The following CSNK1G1 variants were observed in gnomAD, a reference collection of about 807,000 sequenced individuals.
CSNK1G1 encodes casein kinase 1 gamma 1, also known as casein kinase I isoform gamma-1.
A neutral mutation model predicts 59.6 loss-of-function variants in CSNK1G1; 22 were observed. The observed-to-expected ratio is 0.37, with a 90% CI of 0.26 to 0.53. The LOEUF (loss-of-function observed/expected upper bound fraction) is 0.53, where lower values mean the gene tolerates loss of function less well. Ranked by LOEUF, CSNK1G1 falls within the 20% of genes least tolerant of loss-of-function variation. The probability of loss-of-function intolerance (pLI) is 0.89; values close to 1 mark genes in which losing one functional copy is unlikely to be tolerated. For synonymous variants in CSNK1G1, 179 were observed against 177.1 expected, an observed-to-expected ratio of 1.01 and a Z score of -0.08; for missense variants, 384 against 519.5, an observed-to-expected ratio of 0.74 and a Z score of 2.54.
chr15:64,254,353 C>CTT (rs564370323), intron 3 of CSNK1G1, among the ~76,000 whole-genome samples: 12,444 of 135,120 alleles, frequency 0.092, 624 homozygotes, highest in South Asian at 0.16. Context: ...TGCCATTGAA[C>CTT]TTTTTTTTTT....
intron 1 of CSNK1G1, among the ~76,000 whole-genome samples, chr15:64,333,459 A>AAAAG (rs1897225296): frequency 1.4e-5 from 2 of 145,086 alleles, no homozygotes; most frequent in African/African-American, 5.1e-5. Flanking sequence ...AAAAAAAAAA[A>AAAAG]GGTCAATATG....
chr15:64,319,519 A>G (rs186478338), intron 1 of CSNK1G1, among the ~76,000 whole-genome samples: 1 of 151,938 alleles, frequency 6.6e-6, no homozygotes, highest in African/African-American at 2.4e-5. Context: ...ATTTTAAATT[A>G]TTATAAGCTT....
chr15:64,344,051 G>A (rs1897817179), intron 1 of CSNK1G1, among the ~76,000 whole-genome samples: 1 of 151,668 alleles, frequency 6.6e-6, no homozygotes, highest in Admixed American at 6.6e-5. Context: ...AAATAAATTG[G>A]AAAGAAAAAT....
intron 2 of CSNK1G1, among the ~76,000 whole-genome samples, chr15:64,259,772 A>C: frequency 6.6e-6 from 1 of 152,172 alleles, no homozygotes; most frequent in East Asian, 1.9e-4. Flanking sequence ...TACTGCTTGT[A>C]AGGAGATGAT....
At chr15:64,280,820 G>A (rs1162940148) in intron 2 of CSNK1G1, among the ~76,000 whole-genome samples, 1 of 152,154 alleles carries the variant, frequency 6.6e-6, no homozygotes, top group Non-Finnish European at 1.5e-5. Context: ...ATGAGTGAAT[G>A]GCTAAACAAA....
chr15:64,286,354 TA>T (rs1251578051), intron 2 of CSNK1G1, among the ~76,000 whole-genome samples: 43 of 151,684 alleles, frequency 2.8e-4, no homozygotes, highest in African/African-American at 1.0e-3. Context: ...ACAATATTGT[TA>T]ACATGTTATT....
chr15:64,273,730 TAAA>T (rs780466407), intron 2 of CSNK1G1, among the ~76,000 whole-genome samples: 13 of 108,916 alleles, frequency 1.2e-4, no homozygotes, highest in Admixed American at 9.8e-5. Context: ...GCTGATGAGC[TAAA>T]AAAAAAAAAA....
intron 1 of CSNK1G1, among the ~76,000 whole-genome samples, chr15:64,303,285 A>G (rs1036210080): frequency 1.2e-5 from 1 of 85,462 alleles, no homozygotes; most frequent in Non-Finnish European, 2.6e-5. Context: ...ATTTAAAAAT[A>G]TTAAAAATTA....
At position 64,176,272 on chromosome 15, in the gene CSNK1G1, G is replaced by C. The variant is rs1190951935; in HGVS notation, c.1214+4076C>G. ...GAGAGAGGGACTCACCACAGGTTGA[G>C]CATTTTCAGGCAGCTACAGAGTATA... On this transcript the variant is annotated intron_variant, in intron 11 of 11. Coordinates refer to ENST00000303052, the MANE Select transcript of CSNK1G1 (RefSeq NM_022048.5). The surrounding 1 kb of genome is among the most constrained non-coding windows in gnomAD (Gnocchi z 5.2). 2 of 398,832 alleles carry C rather than the reference G, an allele frequency of 5.0e-6. No homozygotes were observed. The highest frequency in any genetic ancestry group is 8.8e-6 in the Non-Finnish European group (2 of 226,082). 24.7% of individuals were successfully genotyped at this position (398,832 alleles called of 1,614,324 possible).
chr15:64,266,492 G>A (rs76744739), intron 2 of CSNK1G1, among the ~76,000 whole-genome samples: 2,307 of 151,946 alleles, frequency 0.015, 53 homozygotes, highest in African/African-American at 0.046. Context: ...AAATACCAAT[G>A]ACATTCAACA....
At chr15:64,260,381 G>T (rs1370969481) in intron 2 of CSNK1G1, among the ~76,000 whole-genome samples, 1 of 142,316 alleles carries the variant, frequency 7.0e-6, no homozygotes. Context: ...GCGTGAAAAA[G>T]AATATAAAAG....
intron 10 of CSNK1G1, among the ~76,000 whole-genome samples, chr15:64,189,870 G>A (rs1263455897): frequency 6.7e-6 from 1 of 149,014 alleles, no homozygotes; most frequent in African/African-American, 2.5e-5. Context: ...CCAGGCTGGA[G>A]TGCAGTGGCG....
chr15:64,333,257 CAAAAAAA>C (rs60857897), intron 1 of CSNK1G1, among the ~76,000 whole-genome samples: 218 of 16,498 alleles, frequency 0.013, 1 homozygote, highest in African/African-American at 0.036. Context: ...GACTCCATCT[CAAAAAAA>C]AAAAAAAAAA....
chr15:64,277,825 T>TG (rs1893798135), intron 2 of CSNK1G1, among the ~76,000 whole-genome samples: 1 of 134,324 alleles, frequency 7.4e-6, no homozygotes, highest in African/African-American at 2.8e-5. Context: ...TTGATATATT[T>TG]AATAATAATA....
intron 10 of CSNK1G1, among the ~76,000 whole-genome samples, chr15:64,195,692 G>A (rs2082029639): frequency 6.6e-6 from 1 of 152,168 alleles, no homozygotes; most frequent in Non-Finnish European, 1.5e-5. Flanking sequence ...CAAGCAGGCA[G>A]AACTATTAAG....
At chr15:64,237,888 A>G (rs914662006) in intron 4 of CSNK1G1, among the ~76,000 whole-genome samples, 1 of 152,194 alleles carries the variant, frequency 6.6e-6, no homozygotes, top group Non-Finnish European at 1.5e-5. Flanking sequence ...GATAACCTCT[A>G]TTAACACTTA....
intron 2 of CSNK1G1, among the ~76,000 whole-genome samples, chr15:64,265,331 T>G (rs1892918361): frequency 6.6e-6 from 1 of 152,160 alleles, no homozygotes; most frequent in African/African-American, 2.4e-5. Flanking sequence ...CTCCCATAAG[T>G]CCCATGTATA....
At chr15:64,194,795 C>T (rs953287847) in intron 10 of CSNK1G1, among the ~76,000 whole-genome samples, 3 of 151,980 alleles carry the variant, frequency 2.0e-5, no homozygotes, top group Non-Finnish European at 2.9e-5. Context: ...TGTGAGCCAC[C>T]GACCCCAGCC....
intron 2 of CSNK1G1, among the ~76,000 whole-genome samples, chr15:64,299,606 T>TA (rs1895216274): frequency 6.6e-6 from 1 of 150,746 alleles, no homozygotes; most frequent in African/African-American, 2.5e-5. Flanking sequence ...AAAAAAAAAT[T>TA]TTATATATAT....
Sources: allele counts gnomAD v4.1 joint callset (sites outside exome capture counted in the v4.1 genomes callset), GRCh38; gene constraint gnomAD v4.1.1; non-coding constraint Gnocchi (gnomAD v3.1); transcripts MANE v1.5; gene names NCBI Gene and HGNC (gene_info 2026-07-23, HGNC 2026-07-21).